Variants in JAM3 observed in about 807,000 individuals in gnomAD.
JAM3 encodes junctional adhesion molecule 3.
In JAM3, 31 loss-of-function variants were observed where a neutral mutation model predicts 39.4. That is an observed-to-expected ratio of 0.79 (90% CI 0.59 to 1.06). The LOEUF is 1.06. JAM3 is among the 50% of genes least tolerant of loss of function. The pLI is 0.00. For missense variants in JAM3, 455 were observed against 391.4 expected, an observed-to-expected ratio of 1.16 and a Z score of -1.37; for synonymous variants, 182 against 148.7, an observed-to-expected ratio of 1.22 and a Z score of -1.63.
chr11:134,089,838 T>A (rs1941812611), intron 1 of JAM3, among the ~76,000 whole-genome samples: 1 of 152,206 alleles, frequency 6.6e-6, no homozygotes, highest in Admixed American at 6.5e-5. Context: ...ATGGGATGGC[T>A]GGGTCAAATG....
At chr11:134,094,698 ACCC>A (rs1378763111) in intron 1 of JAM3, among the ~76,000 whole-genome samples, 2 of 152,114 alleles carry the variant, frequency 1.3e-5, no homozygotes, top group African/African-American at 4.8e-5. Context: ...TCAGATTCAC[ACCC>A]CCATTATACA....
intron 1 of JAM3, among the ~76,000 whole-genome samples, chr11:134,132,087 A>G (rs1217549281): frequency 1.3e-5 from 2 of 152,216 alleles, no homozygotes; most frequent in Non-Finnish European, 2.9e-5. Context: ...AAATCCAAAA[A>G]TCTCACTAGA....
intron 5 of JAM3, 56 bp downstream of exon 5, chr11:134,145,050 C>G: frequency 1.5e-6 from 2 of 1,374,790 alleles, no homozygotes; most frequent in Non-Finnish European, 2.1e-6. Context: ...GCAAGAGATG[C>G]TTATTGTGAA....
intron 1 of JAM3, among the ~76,000 whole-genome samples, chr11:134,128,767 T>G (rs1307611465): frequency 6.6e-6 from 1 of 152,182 alleles, no homozygotes. Flanking sequence ...CAATTAAACC[T>G]TTTTTCTTAA....
chr11:134,101,941 A>G (rs1942082703), intron 1 of JAM3, among the ~76,000 whole-genome samples: 1 of 152,142 alleles, frequency 6.6e-6, no homozygotes, highest in Non-Finnish European at 1.5e-5. Flanking sequence ...ACACATCTGT[A>G]TTCCCAAGAG....
At chr11:134,095,111 A>C (rs1941953565) in intron 1 of JAM3, among the ~76,000 whole-genome samples, 1 of 152,220 alleles carries the variant, frequency 6.6e-6, no homozygotes, top group Non-Finnish European at 1.5e-5. Flanking sequence ...GAAAACTGTC[A>C]GCATTAGGTC....
intron 1 of JAM3, among the ~76,000 whole-genome samples, chr11:134,117,979 A>T (rs1942468976): frequency 6.6e-6 from 1 of 152,190 alleles, no homozygotes; most frequent in African/African-American, 2.4e-5. Flanking sequence ...TTTTTGTAGC[A>T]TATGAGAGCA....
chr11:134,115,909 T>C (rs1942421257), intron 1 of JAM3, among the ~76,000 whole-genome samples: 1 of 151,910 alleles, frequency 6.6e-6, no homozygotes, highest in South Asian at 2.1e-4. Flanking sequence ...AATAAATAAA[T>C]AAAAAATTGG....
chr11:134,110,337 T>C (rs1942285591), intron 1 of JAM3, among the ~76,000 whole-genome samples: 1 of 152,236 alleles, frequency 6.6e-6, no homozygotes, highest in African/African-American at 2.4e-5. Flanking sequence ...ATCATATGTT[T>C]ATACAAAGAT....
At chr11:134,108,795 C>A (rs1461191379) in intron 1 of JAM3, among the ~76,000 whole-genome samples, 8 of 152,068 alleles carry the variant, frequency 5.3e-5, no homozygotes, top group African/African-American at 1.7e-4. Context: ...CTGAGACAGA[C>A]AACAGCAAAA....
At chr11:134,142,427 G>A (rs373158074) in intron 3 of JAM3, among the ~76,000 whole-genome samples, 9 of 152,102 alleles carry the variant, frequency 5.9e-5, no homozygotes, top group South Asian at 4.1e-4. Flanking sequence ...GTGCTCCATC[G>A]GAAGCATCTT....
intron 1 of JAM3, among the ~76,000 whole-genome samples, chr11:134,107,293 G>C (rs1477877971): frequency 6.6e-6 from 1 of 152,094 alleles, no homozygotes; most frequent in South Asian, 2.1e-4. Flanking sequence ...GAGAACACTT[G>C]GACACAGGAA....
intron 3 of JAM3, 49 bp from the exon 4 acceptor site, chr11:134,144,192 C>T: frequency 6.2e-7 from 1 of 1,610,690 alleles, no homozygotes; most frequent in Non-Finnish European, 8.5e-7. Flanking sequence ...CTTCAAGTGG[C>T]AAAGATTTCT....
intron 3 of JAM3, among the ~76,000 whole-genome samples, chr11:134,142,140 A>G (rs183952388): frequency 6.6e-6 from 1 of 152,230 alleles, no homozygotes; most frequent in African/African-American, 2.4e-5. Context: ...CCAGGTGAGA[A>G]ACTCTTTAAA....
chr11:134,106,440 AG>A (rs1335818050), intron 1 of JAM3, among the ~76,000 whole-genome samples: 1 of 152,212 alleles, frequency 6.6e-6, no homozygotes, highest in Admixed American at 6.5e-5. Flanking sequence ...GGCATGGGCA[AG>A]GACTTCATGT....
chr11:134,073,330 G>A (rs76332713), intron 1 of JAM3, among the ~76,000 whole-genome samples: 9,286 of 152,242 alleles, frequency 0.061, 1,032 homozygotes, highest in African/African-American at 0.21. Context: ...AGAGGTTTCA[G>A]TGCTGCTTGT....
At chr11:134,112,494 A>G (rs1386558574) in intron 1 of JAM3, among the ~76,000 whole-genome samples, 1 of 152,214 alleles carries the variant, frequency 6.6e-6, no homozygotes, top group Admixed American at 6.5e-5. Context: ...TTCATTATAT[A>G]AATTATATAT....
chr11:134,103,827 G>A (rs1942126863), intron 1 of JAM3, among the ~76,000 whole-genome samples: 1 of 152,130 alleles, frequency 6.6e-6, no homozygotes, highest in Non-Finnish European at 1.5e-5. Context: ...AAATATATAT[G>A]CACTCAATAC....
At chr11:134,091,505 A>AATAGATAGATAGATGG (rs1443146294) in intron 1 of JAM3, among the ~76,000 whole-genome samples, 3 of 146,528 alleles carry the variant, frequency 2.0e-5, no homozygotes, top group South Asian at 2.2e-4. Flanking sequence ...TCTCTAAATA[A>AATAGATAGATAGATGG]ATAGATAGAT....
Sources: gnomAD v4.1 joint callset for allele counts (sites outside exome capture counted in the v4.1 genomes callset) on GRCh38, gnomAD v4.1.1 for gene constraint, MANE v1.5 for transcripts, NCBI Gene and HGNC (gene_info 2026-07-23, HGNC 2026-07-21) for gene names.